Variants in SLC12A3 observed in about 807,000 individuals in gnomAD.
The protein encoded by SLC12A3 is solute carrier family 12 member 3.
A neutral mutation model predicts 121.0 loss-of-function variants in SLC12A3; 104 were observed. The ratio of observed to expected loss-of-function variants is 0.86; its 90% CI spans 0.73 to 1.01. The LOEUF (loss-of-function observed/expected upper bound fraction) is 1.01. Ranked by LOEUF, SLC12A3 falls within the 50% of genes least tolerant of loss-of-function variation. The pLI, the probability that SLC12A3 is intolerant of heterozygous loss-of-function variation, is 0.00. For missense variants in SLC12A3, 1,328 were observed against 1,356.3 expected, an observed-to-expected ratio of 0.98 and a Z score of 0.33; for synonymous variants, 536 against 533.4, an observed-to-expected ratio of 1.00 and a Z score of -0.07.
chr16:56,872,792 C>G lies in SLC12A3; in HGVS notation c.1095+6C>G. 6.2e-7 allele frequency: 1 copy of G among 1,614,156 alleles called. No homozygotes were observed. The highest frequency in any genetic ancestry group is 8.5e-7 in the Non-Finnish European group (1 of 1,180,034). ...ACATATCTGGTGACCTCAAGGTGAG[C>G]AGAATACTTGCCCCTCCTGTGTCCT... On this transcript the variant is annotated splice_donor_region_variant and intron_variant, in intron 8 of 25. Transcript: ENST00000563236.
chr16:56,877,044 G>A (rs529717523), intron 8 of SLC12A3, among the ~76,000 whole-genome samples: 4 of 152,336 alleles, frequency 2.6e-5, no homozygotes, highest in African/African-American at 9.6e-5. Context: ...TTGAGAAAGT[G>A]CCTAGAAGAG....
intron 25 of SLC12A3, among the ~76,000 whole-genome samples, chr16:56,912,332 T>C (rs1567452261): frequency 6.6e-6 from 1 of 152,216 alleles, no homozygotes; most frequent in Non-Finnish European, 1.5e-5. Flanking sequence ...CTTCCTGAAA[T>C]AGTTGGAAGA....
At chr16:56,909,691 G>C (rs2055658136) in intron 25 of SLC12A3, among the ~76,000 whole-genome samples, 1 of 152,050 alleles carries the variant, frequency 6.6e-6, no homozygotes, top group African/African-American at 2.4e-5. Flanking sequence ...AGTTCAGTCA[G>C]AGGGTCCGCT....
chr16:56,906,432 A>C lies in SLC12A3; in HGVS notation c.2924+1970A>C, dbSNP rs571282037. On this transcript the variant is annotated intron_variant, in intron 25 of 25. Transcript: ENST00000563236. ...CTCATCAAAGGCTAGAAGCTGAGCAACCAGTTTGGAGACCTGACCTGGAGG... is the reference window on the plus strand; with the variant it reads ...CTCATCAAAGGCTAGAAGCTGAGCACCCAGTTTGGAGACCTGACCTGGAGG... 1.9e-5 allele frequency: 3 copies of C among 157,130 alleles called. No individual in the cohort carries two copies. The South Asian group carries it at 5.9e-4, about 31-fold the overall frequency. The allele number at this position is 157,130 out of a possible 1,614,324, so 9.7% of individuals were successfully genotyped here. A position where few individuals can be genotyped will look rare whatever the true frequency, so the allele number is the denominator to read the frequency against.
chr16:56,899,645 G>T, intron 23 of SLC12A3, 29 bp downstream of exon 23: 1 of 1,530,094 alleles, frequency 6.5e-7, no homozygotes, highest in Non-Finnish European at 9.1e-7. Flanking sequence ...CTTCCAGGCA[G>T]AAGGGCCAAC....
chr16:56,915,427 C>T lies in SLC12A3; in HGVS notation c.*2022C>T, dbSNP rs1165635752. Reference sequence around the variant, plus strand: ...CAAAGCCCAGAAGGCTTGGGGCTCCCAGGCTGCTCTGAAGCCCCACTGTCT... The same window carrying T: ...CAAAGCCCAGAAGGCTTGGGGCTCCTAGGCTGCTCTGAAGCCCCACTGTCT... On this transcript the variant is annotated 3_prime_UTR_variant, in exon 26 of 26. Transcript: ENST00000563236. The T allele has an allele frequency of 6.6e-6, 1 of 152,266 alleles. No homozygotes were observed. The highest frequency in any genetic ancestry group is 1.5e-5 in the Non-Finnish European group (1 of 68,056). 9.4% of individuals were successfully genotyped at this position (152,266 alleles called of 1,614,324 possible). A position where few individuals can be genotyped will look rare whatever the true frequency, so the allele number is the denominator to read the frequency against.
chr16:56,893,971 T>TTTTATTTA (rs56844793), intron 21 of SLC12A3, among the ~76,000 whole-genome samples: 1,552 of 116,900 alleles, frequency 0.013, 18 homozygotes, highest in South Asian at 0.026. Flanking sequence ...TTTATTTTTA[T>TTTTATTTA]TTTATTTATT....
At position 56,882,509 on chromosome 16, in the gene SLC12A3, C is replaced by T. The variant is rs531260802; in HGVS notation, c.1669+12C>T. 1 of 1,604,716 alleles carries T rather than the reference C, an allele frequency of 6.2e-7. No individual in the cohort carries two copies. Among genetic ancestry groups the T allele is most frequent in the East Asian group, 2.2e-5 (1 of 44,838 alleles). ...CACCAACTCGCCTGGTAAGCAAACC[C>T]TTCACCCACCTCAGGAGGAGGCACC... On this transcript the variant is annotated intron_variant, in intron 13 of 25. Coordinates refer to ENST00000563236, the MANE Select transcript of SLC12A3 (RefSeq NM_001126108.2).
intron 23 of SLC12A3, among the ~76,000 whole-genome samples, chr16:56,902,040 G>A (rs1596948834): frequency 6.6e-6 from 1 of 152,128 alleles, no homozygotes; most frequent in African/African-American, 2.4e-5. Flanking sequence ...GCTTATCACC[G>A]TGGCTCTGTG....
intron 13 of SLC12A3, 128 bp from the exon 14 acceptor site, chr16:56,883,921 T>C (rs1213766348): frequency 3.1e-6 from 3 of 973,650 alleles, no homozygotes; most frequent in Non-Finnish European, 4.7e-6. Flanking sequence ...TGCTCATGGC[T>C]GGTGGGTACA....
At chr16:56,902,151 A>T (rs1227016460) in intron 23 of SLC12A3, 1 of 584,810 alleles carries the variant, frequency 1.7e-6, no homozygotes, top group African/African-American at 1.9e-5. Flanking sequence ...GGTGGGTCAC[A>T]GGTCAGTGGT....
At chr16:56,906,095 T>TGCAGGTCTAG (rs1456463767) in intron 25 of SLC12A3, among the ~76,000 whole-genome samples, 1 of 152,184 alleles carries the variant, frequency 6.6e-6, no homozygotes, top group Admixed American at 6.5e-5. Flanking sequence ...TGACCTAGAC[T>TGCAGGTCTAG]GCAGATGCCA....
chr16:56,876,884 T>A (rs1185353518), intron 8 of SLC12A3, among the ~76,000 whole-genome samples: 3 of 152,178 alleles, frequency 2.0e-5, no homozygotes, highest in African/African-American at 7.2e-5. Context: ...TCCCAGCCTG[T>A]GTTGCTGCAC....
At position 56,882,428 on chromosome 16, in the gene SLC12A3, A is replaced by C. The variant is rs148909644; in HGVS notation, c.1600A>C (p.Asn534His). The C allele has an allele frequency of 2.7e-5, 44 of 1,613,940 alleles. No homozygotes were observed. In the African/African-American group the frequency reaches 5.1e-4, roughly 19 times the overall value. The change falls in exon 13 of 26, where the codon AAC (asparagine) becomes CAC (histidine). Residue 534 changes from asparagine to histidine, a missense_variant. Coordinates refer to ENST00000563236, the MANE Select transcript of SLC12A3 (RefSeq NM_001126108.2). The stretch of plus-strand genomic sequence containing the variant: ...CAACACCATAGCCCCCATCATTTCC[A>C]ACTTCTTCCTCTGCTCCTATGCCCT... ...ELNTIAPIIS[N>H]FFLCSYALIN...
rs368907927 is a variant in SLC12A3, at chr16:56,879,224, C to T, written c.1332C>T (p.Tyr444=). ...GCCACTACGGCCTCATCAACTATTA[C>T]CAGGTACTGCCAGGAGAGCTGACCC... ...HSCHYGLINY[Y]QTMSMVSGFA... is the part of the protein sequence containing the mutation. The change falls in exon 10 of 26, where the codon TAC becomes TAT. Residue 444 remains tyrosine, a synonymous_variant. Coordinates refer to ENST00000563236, the MANE Select transcript of SLC12A3 (RefSeq NM_001126108.2). 6.2e-7 allele frequency: 1 copy of T among 1,613,782 alleles called. No individual in the cohort carries two copies. Among genetic ancestry groups the T allele is most frequent in the African/African-American group, 1.3e-5 (1 of 74,938 alleles).
intron 24 of SLC12A3, 23 bp downstream of exon 24, chr16:56,902,531 G>GGGGGGGGCCCC: frequency 1.1e-5 from 8 of 714,454 alleles, no homozygotes; most frequent in Non-Finnish European, 1.7e-5. Context: ...GTGGGGGTGG[G>GGGGGGGGCCCC]AAACGCGACA....
chr16:56,893,369 A>G lies in SLC12A3; in HGVS notation c.2521+315A>G, dbSNP rs189526862. Among the ~76,000 whole-genome samples, 346 of 152,368 alleles carry G rather than the reference A, an allele frequency of 2.3e-3. 4 individuals are homozygous for G. Among genetic ancestry groups the G allele is most frequent in the Admixed American group, 0.02 (312 of 15,304 alleles). ...AAGCTGGAGGAATATTTTTCACTTCACAATGAAATATAACCTCTCCCATTA... is the reference window on the plus strand; with the variant it reads ...AAGCTGGAGGAATATTTTTCACTTCGCAATGAAATATAACCTCTCCCATTA... On this transcript the variant is annotated intron_variant, in intron 21 of 25. Coordinates refer to ENST00000563236, the MANE Select transcript of SLC12A3 (RefSeq NM_001126108.2).
chr16:56,896,923 C>T (rs1443466969), intron 22 of SLC12A3, among the ~76,000 whole-genome samples: 9 of 151,938 alleles, frequency 5.9e-5, no homozygotes, highest in African/African-American at 1.9e-4. Context: ...GAAACCCCAC[C>T]TCTACTAAAA....
chr16:56,895,758 T>C (rs977756699), intron 22 of SLC12A3, among the ~76,000 whole-genome samples: 1 of 152,138 alleles, frequency 6.6e-6, no homozygotes, highest in Admixed American at 6.6e-5. Context: ...ATTTCTATTA[T>C]GATTACATGG....
Sources: gnomAD v4.1 joint callset for allele counts (sites outside exome capture counted in the v4.1 genomes callset) on GRCh38, gnomAD v4.1.1 for gene constraint, MANE v1.5 for transcripts, NCBI Gene and HGNC (gene_info 2026-07-23, HGNC 2026-07-21) for gene names.